Variants in NAF1 observed in about 807,000 individuals in gnomAD.
The protein encoded by NAF1 is H/ACA ribonucleoprotein complex non-core subunit NAF1.
A neutral mutation model predicts 40.6 loss-of-function variants in NAF1; 11 were observed. The ratio of observed to expected loss-of-function variants is 0.27; its 90% CI spans 0.17 to 0.45. NAF1 has a LOEUF of 0.45. Ranked by LOEUF, NAF1 falls within the 20% of genes least tolerant of loss-of-function variation. NAF1 has a pLI of 1.00. For missense variants in NAF1, 607 were observed against 611.1 expected, an observed-to-expected ratio of 0.99 and a Z score of 0.07; for synonymous variants, 260 against 228.5, an observed-to-expected ratio of 1.14 and a Z score of -1.24.
Position 163,128,759 on chromosome 4 carries a change from A to C in NAF1, c.*138T>G. 1 of 1,200,994 alleles carries C rather than the reference A, an allele frequency of 8.3e-7. No homozygotes were observed. 74.4% of individuals were successfully genotyped at this position (1,200,994 alleles called of 1,614,324 possible). On this transcript the variant is annotated 3_prime_UTR_variant, in exon 8 of 8. Coordinates refer to ENST00000274054, the MANE Select transcript of NAF1 (RefSeq NM_138386.3). ...ACAATTTCACAAAGGTTACAAATATATATCAACTTACAACAGAAGGAATCA... is the reference window on the plus strand; with the variant it reads ...ACAATTTCACAAAGGTTACAAATATCTATCAACTTACAACAGAAGGAATCA...
At chr4:163,117,680 TACACACACACACACAC>T (rs55869899) in intron 2 of NAF1, among the ~76,000 whole-genome samples, 1 of 134,852 alleles carries the variant, frequency 7.4e-6, no homozygotes, top group Non-Finnish European at 1.6e-5. Flanking sequence ...CTGGAAGCAA[TACACACACACACACAC>T]ACACACACAC....
chr4:163,166,227 A>G, intron 1 of NAF1, 136 bp downstream of exon 1: 1 of 1,123,568 alleles, frequency 8.9e-7, no homozygotes, highest in Non-Finnish European at 1.2e-6. Context: ...ATACTTCAAC[A>G]CGTGAGCCCG....
Position 163,129,122 on chromosome 4 carries a change from T to C in NAF1, c.1260A>G (p.Pro420=). 1 of 1,613,630 alleles carries C rather than the reference T, an allele frequency of 6.2e-7. No individual in the cohort carries two copies. The highest frequency in any genetic ancestry group is 8.5e-7 in the Non-Finnish European group (1 of 1,179,632). Residue 420 remains proline (P), a synonymous_variant, in exon 8 of 8, where the codon CCA becomes CCG. Coordinates refer to ENST00000274054, the MANE Select transcript of NAF1 (RefSeq NM_138386.3). ...PSQRQNNPIM[P]QYPFPLPVFD... ...ACACTGGAAGAGGAAAGGGGTATTG[T>C]GGCATAATGGGATTATTTTGTCTCT...
rs202115227 is a variant in NAF1 at position 163,164,384 on chromosome 4, C to T, written c.373G>A (p.Asp125Asn). Reference protein sequence around the residue: ...DSDSDSDSETDSDSSSSSSSS... With the variant: ...DSDSDSDSETNSDSSSSSSSS... Reference sequence around the variant, plus strand: ...GACGATGAACTTGAACTATCTGAATCTGTTTCACTGTAGGGAAGAAAACAG... The same window carrying T: ...GACGATGAACTTGAACTATCTGAATTTGTTTCACTGTAGGGAAGAAAACAG... The change falls in exon 2 of 8, where the codon GAT (aspartate) becomes AAT (asparagine). Residue 125 changes from aspartate to asparagine, a missense_variant. Physicochemically the swap from Asp to Asn is conservative, Grantham distance 23 (BLOSUM62 1). Around this residue, in one of 3 missense-constraint regions of NAF1, gnomAD observed 407 missense variants for 365.5 expected, o/e 1.11. Coordinates refer to ENST00000274054, the MANE Select transcript of NAF1 (RefSeq NM_138386.3). 3.2e-4 allele frequency: 494 copies of T among 1,561,644 alleles called. 1 individual carries two copies. The South Asian group carries it at 5.9e-3, about 19-fold the overall frequency.
intron 2 of NAF1, among the ~76,000 whole-genome samples, chr4:163,150,571 A>T (rs2110987806): frequency 6.6e-6 from 1 of 152,302 alleles, no homozygotes; most frequent in East Asian, 1.9e-4. Context: ...CACTTAGGAT[A>T]TTCCACTTTT....
downstream of NAF1, among the ~76,000 whole-genome samples, chr4:163,122,481 C>G (rs1458921949): frequency 6.6e-6 from 1 of 152,182 alleles, no homozygotes; most frequent in South Asian, 2.1e-4. Context: ...TACATCTTCC[C>G]TATGTCCCAC....
intron 2 of NAF1, among the ~76,000 whole-genome samples, chr4:163,154,070 A>C (rs1579179290): frequency 6.6e-6 from 1 of 151,854 alleles, no homozygotes; most frequent in East Asian, 1.9e-4. Flanking sequence ...CCACGAACCC[A>C]CCAGAAGGAA....
At chr4:163,141,166 A>G (rs1472897949) in intron 4 of NAF1, among the ~76,000 whole-genome samples, 3 of 152,246 alleles carry the variant, frequency 2.0e-5, no homozygotes, top group Admixed American at 1.3e-4. Context: ...GGGGTTCAAG[A>G]CCAGCCTGGC....
intron 4 of NAF1, among the ~76,000 whole-genome samples, chr4:163,142,660 T>C (rs901099919): frequency 3.9e-5 from 6 of 152,198 alleles, no homozygotes; most frequent in African/African-American, 1.2e-4. Flanking sequence ...AGCCATACAA[T>C]AGACAGTATG....
intron 2 of NAF1, among the ~76,000 whole-genome samples, chr4:163,161,631 C>G: frequency 6.6e-6 from 1 of 152,148 alleles, no homozygotes; most frequent in East Asian, 1.9e-4. Context: ...TTCCCAGCTG[C>G]TTTCGAATAA....
chr4:163,133,421 A>C, intron 6 of NAF1, 165 bp from the exon 7 acceptor site: 4 of 548,936 alleles, frequency 7.3e-6, no homozygotes, highest in South Asian at 2.8e-5. Context: ...CATGGTATAA[A>C]AATAAAGCAT....
At chr4:163,143,797 G>A (rs1731353994) in intron 4 of NAF1, among the ~76,000 whole-genome samples, 2 of 152,154 alleles carry the variant, frequency 1.3e-5, no homozygotes, top group South Asian at 2.1e-4. Context: ...AAGGAGAAAG[G>A]AAATGAGGAA....
intron 2 of NAF1, among the ~76,000 whole-genome samples, chr4:163,152,612 A>T (rs1299461177): frequency 2.6e-5 from 4 of 152,216 alleles, no homozygotes; most frequent in Admixed American, 2.6e-4. Context: ...AGACATAGAC[A>T]CTGTTATCTG....
intron 2 of NAF1, among the ~76,000 whole-genome samples, chr4:163,156,580 C>A (rs1343418079): frequency 6.6e-6 from 1 of 152,074 alleles, no homozygotes; most frequent in African/African-American, 2.4e-5. Flanking sequence ...ATGGACATCC[C>A]CAACACTGTA....
chr4:163,107,208 A>G (rs563275078), downstream of NAF1, among the ~76,000 whole-genome samples: 46 of 152,316 alleles, frequency 3.0e-4, no homozygotes, highest in African/African-American at 1.1e-3. Flanking sequence ...GCTGGTCTTA[A>G]GCTCTGGACT....
chr4:163,141,537 T>C (rs1731262114), intron 4 of NAF1, among the ~76,000 whole-genome samples: 1 of 152,308 alleles, frequency 6.6e-6, no homozygotes, highest in South Asian at 2.1e-4. Context: ...TTAGCTATCA[T>C]AAAACACCCC....
intron 3 of NAF1, among the ~76,000 whole-genome samples, chr4:163,147,302 G>A (rs1027478427): frequency 6.6e-6 from 1 of 152,124 alleles, no homozygotes; most frequent in Non-Finnish European, 1.5e-5. Context: ...CTATACAACT[G>A]GTCCTAAGAG....
chr4:163,140,141 G>T, intron 5 of NAF1, 82 bp downstream of exon 5: 2 of 1,163,328 alleles, frequency 1.7e-6, no homozygotes, highest in Non-Finnish European at 2.4e-6. Flanking sequence ...CAATATAACT[G>T]TAAGAAATTA....
At position 163,166,310 on chromosome 4, in the gene NAF1, C is replaced by G. The variant is rs536398430; in HGVS notation, c.365+53G>C. ...TAGGCTCCTAGGCCCCAGCCACCCC[C>G]GCCCGTCATACAAGACCTCTCCCCA... On this transcript the variant is annotated intron_variant, in intron 1 of 7. Transcript: ENST00000274054. 72 of 1,515,842 alleles carry G rather than the reference C, an allele frequency of 4.7e-5. No individual in the cohort carries two copies. The African/African-American group carries it at 8.8e-4, about 19-fold the overall frequency. 93.9% of individuals were successfully genotyped at this position (1,515,842 alleles called of 1,614,324 possible). A position where few individuals can be genotyped will look rare whatever the true frequency, so the allele number is the denominator to read the frequency against.
Sources: gnomAD v4.1 joint callset for allele counts (sites outside exome capture counted in the v4.1 genomes callset) on GRCh38, gnomAD v4.1.1 for gene constraint, gnomAD v4.1.1 regional missense constraint, MANE v1.5 for transcripts, NCBI Gene and HGNC (gene_info 2026-07-23, HGNC 2026-07-21) for gene names.